The following NTM variants were observed in gnomAD, a reference collection of about 807,000 sequenced individuals.
The protein encoded by NTM is neurotrimin, also known as IgLON family member 2.
In NTM, 13 loss-of-function variants were observed where a neutral mutation model predicts 42.1. That is an observed-to-expected ratio of 0.31 (90% CI 0.20 to 0.49). The LOEUF (loss-of-function observed/expected upper bound fraction) is 0.49, where lower values mean the gene tolerates loss of function less well. Ranked by LOEUF, NTM falls within the 20% of genes least tolerant of loss-of-function variation. The pLI is 0.99. For synonymous variants in NTM, 187 were observed against 179.2 expected (o/e 1.04, Z -0.35); for missense variants, 373 against 452.8 (o/e 0.82, Z 1.60).
intron 2 of NTM, among the ~76,000 whole-genome samples, chr11:132,040,243 G>T (rs2077014388): frequency 6.6e-6 from 1 of 152,166 alleles, no homozygotes; most frequent in Non-Finnish European, 1.5e-5. Flanking sequence ...TTACAGACGT[G>T]AGCCACTTTA....
At chr11:131,451,829 A>G (rs1029718188) in intron 1 of NTM, among the ~76,000 whole-genome samples, 9 of 152,132 alleles carry the variant, frequency 5.9e-5, no homozygotes, top group Admixed American at 3.9e-4. Flanking sequence ...AGATGTGAGG[A>G]GGAGCACACA....
intron 4 of NTM, among the ~76,000 whole-genome samples, chr11:132,279,883 G>A (rs1992969): frequency 0.31 from 47,808 of 151,976 alleles, 7,966 homozygotes; most frequent in Middle Eastern, 0.5. Context: ...CTCTCTGTGG[G>A]CTGTCCATCT....
intron 4 of NTM, among the ~76,000 whole-genome samples, chr11:132,270,771 T>G (rs1004506673): frequency 1.3e-5 from 2 of 151,962 alleles, no homozygotes; most frequent in East Asian, 3.9e-4. Flanking sequence ...ACACCAAAAA[T>G]ATATAAGCCT....
chr11:131,615,350 G>A (rs1246160621), intron 1 of NTM, among the ~76,000 whole-genome samples: 10 of 152,002 alleles, frequency 6.6e-5, no homozygotes, highest in Non-Finnish European at 1.5e-5. Context: ...CTCATAGCAA[G>A]TTCTCTCTCT....
intron 1 of NTM, among the ~76,000 whole-genome samples, chr11:131,627,752 C>A (rs1463550453): frequency 6.6e-6 from 1 of 152,010 alleles, no homozygotes; most frequent in East Asian, 1.9e-4. Flanking sequence ...GATTACTTGA[C>A]CCCAGGAGGT....
chr11:131,629,121 G>C (rs1459098414), intron 1 of NTM, among the ~76,000 whole-genome samples: 1 of 152,234 alleles, frequency 6.6e-6, no homozygotes, highest in Admixed American at 6.5e-5. Context: ...GCAGCTTGTG[G>C]CTGAGGGTTT....
At chr11:132,092,645 C>T (rs1046222909) in intron 2 of NTM, among the ~76,000 whole-genome samples, 44 of 152,178 alleles carry the variant, frequency 2.9e-4, no homozygotes, top group Admixed American at 7.2e-4. Flanking sequence ...ACTCCCTCAT[C>T]GATGGCTCCA....
intron 1 of NTM, among the ~76,000 whole-genome samples, chr11:131,851,863 G>A (rs553738956): frequency 1.3e-3 from 199 of 152,172 alleles, no homozygotes; most frequent in African/African-American, 4.4e-3. Flanking sequence ...AGATAGAGAA[G>A]AAGGAGAAAA....
chr11:131,394,170 TACA>T (rs1297546307), intron 1 of NTM, among the ~76,000 whole-genome samples: 1 of 152,206 alleles, frequency 6.6e-6, no homozygotes, highest in African/African-American at 2.4e-5. Context: ...CACACAAAAA[TACA>T]ACATCGTCCA....
At chr11:131,814,595 G>T (rs1053116612) in intron 1 of NTM, among the ~76,000 whole-genome samples, 1 of 146,792 alleles carries the variant, frequency 6.8e-6, no homozygotes, top group South Asian at 2.2e-4. Flanking sequence ...ATCCTAAAAG[G>T]TCGCCTAATC....
At chr11:132,317,687 C>T (rs2095466563) in intron 7 of NTM, 1 of 1,302,876 alleles carries the variant, frequency 7.7e-7, no homozygotes, top group Non-Finnish European at 1.0e-6. Flanking sequence ...AACTTTGTTG[C>T]AAGGTCAGTA....
intron 1 of NTM, among the ~76,000 whole-genome samples, chr11:131,777,902 A>C (rs1015058168): frequency 1.1e-4 from 16 of 152,214 alleles, no homozygotes; most frequent in Admixed American, 9.2e-4. Flanking sequence ...ATGAGCAAAA[A>C]TGTTTGACCC....
chr11:131,512,759 G>T (rs540956430), intron 1 of NTM, among the ~76,000 whole-genome samples: 125 of 152,174 alleles, frequency 8.2e-4, no homozygotes, highest in African/African-American at 2.9e-3. Context: ...CCACTCTCTC[G>T]TCTCCTTAGC....
intron 1 of NTM, among the ~76,000 whole-genome samples, chr11:131,704,568 A>T (rs1210828638): frequency 6.6e-6 from 1 of 152,248 alleles, no homozygotes; most frequent in African/African-American, 2.4e-5. Flanking sequence ...AGCCACAAGG[A>T]TCACAAATAA....
intron 1 of NTM, chr11:131,795,714 G>A: frequency 1.0e-6 from 1 of 985,356 alleles, no homozygotes; most frequent in Non-Finnish European, 1.2e-6. Flanking sequence ...TTCTGTGCTG[G>A]GCATTGCCTG....
intron 2 of NTM, among the ~76,000 whole-genome samples, chr11:131,957,451 C>A (rs949393144): frequency 6.6e-6 from 1 of 152,170 alleles, no homozygotes; most frequent in Non-Finnish European, 1.5e-5. Context: ...CAGACACAGT[C>A]CACTTTGCAT....
chr11:132,004,605 TTCTCTCTCTCTCTCTCTCTC>T lies in NTM; in HGVS notation c.167+92968_167+92987del, dbSNP rs71480226. On this transcript the variant is annotated intron_variant, in intron 2 of 8. Coordinates refer to ENST00000683400, the MANE Select transcript of NTM (RefSeq NM_001352005.2). ...AAGAAGTTTCTCTCTCTTTCTCTCT[TTCTCTCTCTCTCTCTCTCTC>T]TCTCTCTCTCACACACACACACACA... is the stretch of plus-strand genomic sequence containing the variant. Among the ~76,000 whole-genome samples, 351 of 144,146 alleles carry T rather than the reference TTCTCTCTCTCTCTCTCTCTC, an allele frequency of 2.4e-3. 3 individuals carry two copies. Among genetic ancestry groups the T allele is most frequent in the African/African-American group, 8.4e-3 (328 of 38,878 alleles). 94.6% of individuals were successfully genotyped at this position (144,146 alleles called of 152,430 possible).
intron 3 of NTM, among the ~76,000 whole-genome samples, chr11:132,189,748 A>G (rs776080496): frequency 6.6e-6 from 1 of 152,192 alleles, no homozygotes; most frequent in Non-Finnish European, 1.5e-5. Context: ...TAGTTATGTC[A>G]TAGAAACCTT....
intron 1 of NTM, among the ~76,000 whole-genome samples, chr11:131,423,486 G>T (rs1947741721): frequency 6.6e-6 from 1 of 152,306 alleles, no homozygotes; most frequent in African/African-American, 2.4e-5. Flanking sequence ...ACTGTTTAAA[G>T]GTGTGGACCT....
Sources: allele counts gnomAD v4.1 joint callset (sites outside exome capture counted in the v4.1 genomes callset), GRCh38; gene constraint gnomAD v4.1.1; transcripts MANE v1.5; gene names NCBI Gene and HGNC (gene_info 2026-07-23, HGNC 2026-07-21).